RUFY1: variants seen among roughly 807,000 people sequenced by gnomAD.
The protein encoded by RUFY1 is RUN and FYVE domain containing 1, also known as RUN and FYVE domain-containing protein 1.
RUFY1 carries 54 observed loss-of-function variants against 94.6 expected under a neutral mutation model. The observed-to-expected ratio is 0.57, with a 90% CI of 0.46 to 0.72. The LOEUF (loss-of-function observed/expected upper bound fraction) is 0.72, where lower values mean the gene tolerates loss of function less well. Ranked by LOEUF, RUFY1 falls within the 30% of genes least tolerant of loss-of-function variation. RUFY1 has a pLI of 0.00. For missense variants in RUFY1, 883 were observed against 883.9 expected (o/e 1.00, Z 0.01); for synonymous variants, 396 against 347.3 (o/e 1.14, Z -1.56).
chr5:179,567,818 C>T (rs771090223), intron 4 of RUFY1, among the ~76,000 whole-genome samples: 3 of 151,934 alleles, frequency 2.0e-5, no homozygotes, highest in Non-Finnish European at 4.4e-5. Context: ...GCAGGAGAAT[C>T]GCTCGAACCC....
At chr5:179,556,110 C>G (rs1487095461) in intron 1 of RUFY1, among the ~76,000 whole-genome samples, 3 of 152,072 alleles carry the variant, frequency 2.0e-5, no homozygotes, top group Non-Finnish European at 4.4e-5. Flanking sequence ...AAAACTGTTA[C>G]ATTGTTTTTT....
chr5:179,565,011 AAATAATTTAT>A (rs1762733582), intron 3 of RUFY1, among the ~76,000 whole-genome samples: 1 of 152,058 alleles, frequency 6.6e-6, no homozygotes, highest in African/African-American at 2.4e-5. Context: ...AGAGAGAGAA[AAATAATTTAT>A]ATTTGGTACC....
chr5:179,573,107 C>G (rs769236093), intron 5 of RUFY1, among the ~76,000 whole-genome samples: 2 of 152,194 alleles, frequency 1.3e-5, no homozygotes, highest in African/African-American at 4.8e-5. Flanking sequence ...TGTTGTAAAT[C>G]TGAATCTGTG....
intron 15 of RUFY1, among the ~76,000 whole-genome samples, chr5:179,604,281 A>G (rs1766791518): frequency 6.6e-6 from 1 of 152,028 alleles, no homozygotes; most frequent in Admixed American, 6.6e-5. Flanking sequence ...CCTATACCGG[A>G]TGACAGAGAT....
At chr5:179,585,097 C>A (rs1581498252) in intron 7 of RUFY1, among the ~76,000 whole-genome samples, 1 of 152,188 alleles carries the variant, frequency 6.6e-6, no homozygotes, top group Admixed American at 6.5e-5. Flanking sequence ...CGCCACTGCA[C>A]TCCAGACTAG....
At position 179,601,911 on chromosome 5, in the gene RUFY1, A is replaced by G. The variant is rs761929886; in HGVS notation, c.1781A>G (p.Asp594Gly). The change falls in exon 15 of 18, where the codon GAC (aspartate) becomes GGC (glycine). Residue 594 changes from aspartate (D) to glycine (G), a missense_variant. Physicochemically the swap from Asp to Gly is moderately conservative, Grantham distance 94. Transcript: ENST00000319449. ...TTTTAGGAGTTGCGGGAGCTTCAGG[A>G]CGAGAAGGCAGAGCTGCAGAAGATC... ...GLKKELRELQDEKAELQKICE... is the reference protein window; with the variant it reads ...GLKKELRELQGEKAELQKICE... 8 of 1,611,706 alleles carry G rather than the reference A, an allele frequency of 5.0e-6. No homozygotes were observed. In the Admixed American group the frequency reaches 6.7e-5, roughly 13 times the overall value.
At chr5:179,596,436 C>CGT in intron 12 of RUFY1, 126 bp from the exon 13 acceptor site, 1 of 1,192,826 alleles carries the variant, frequency 8.4e-7, no homozygotes, top group Non-Finnish European at 1.2e-6. Context: ...TGAATCTCCA[C>CGT]GTGTTAAAAC....
Position 179,607,668 on chromosome 5 carries a change from G to A in RUFY1, c.1983+9G>A, listed in dbSNP as rs1347651118. 1 of 1,611,804 alleles carries A rather than the reference G, an allele frequency of 6.2e-7. No homozygotes were observed. The highest frequency in any genetic ancestry group is 1.7e-4 in the Middle Eastern group (1 of 5,848). ...CCATTTCCCGGAGAAAGGTACGTGG[G>A]GGCTCCACCCACCCTCCCAGTGCCC... On this transcript the variant is annotated intron_variant, in intron 17 of 17. Coordinates refer to ENST00000319449, the MANE Select transcript of RUFY1 (RefSeq NM_025158.5).
At chr5:179,595,026 C>A in intron 12 of RUFY1, 63 bp downstream of exon 12, 1 of 1,205,364 alleles carries the variant, frequency 8.3e-7, no homozygotes, top group Non-Finnish European at 1.2e-6. Context: ...GGCCTGGAGA[C>A]TTATTCAGAG....
intron 9 of RUFY1, 78 bp from the exon 10 acceptor site, chr5:179,591,547 G>A (rs1190306254): frequency 2.3e-6 from 2 of 859,992 alleles, no homozygotes; most frequent in Non-Finnish European, 1.9e-6. Context: ...TTAAAATTGT[G>A]GTATATTTTG....
At chr5:179,569,524 C>A in intron 5 of RUFY1, 99 bp downstream of exon 5, 1 of 1,229,394 alleles carries the variant, frequency 8.1e-7, no homozygotes, top group Non-Finnish European at 1.2e-6. Context: ...GGGCAAATGG[C>A]AAAGAGCCCA....
At chr5:179,580,241 GTA>G (rs1554118908) in intron 6 of RUFY1, among the ~76,000 whole-genome samples, 8 of 93,850 alleles carry the variant, frequency 8.5e-5, no homozygotes, top group African/African-American at 2.5e-4. Context: ...GTGTGTGTGT[GTA>G]TATTTTTTTT....
rs1765441128 is a variant in RUFY1, at chr5:179,594,744, GAGCA to G, written c.1414-119_1414-116del. On this transcript the variant is annotated intron_variant, in intron 11 of 17. Transcript: ENST00000319449. ...CCACTGCACTCTAGCCTGGGTGACAGAGCAAGACTCTGTCTCAAAAAAAAAAAAA... is the reference window on the plus strand; with the variant it reads ...CCACTGCACTCTAGCCTGGGTGACAGAGACTCTGTCTCAAAAAAAAAAAAA... 3 of 532,328 alleles carry G rather than the reference GAGCA, an allele frequency of 5.6e-6. No individual in the cohort carries two copies. In the Admixed American group the frequency reaches 1.2e-4, roughly 21 times the overall value. The allele number at this position is 532,328 out of a possible 1,614,324, so 33.0% of individuals were successfully genotyped here.
intron 7 of RUFY1, among the ~76,000 whole-genome samples, chr5:179,582,397 T>C (rs1764233257): frequency 6.6e-6 from 1 of 152,090 alleles, no homozygotes; most frequent in South Asian, 2.1e-4. Context: ...GGCTAATTTT[T>C]TGTATTTTTT....
At chr5:179,585,289 A>G (rs946294794) in intron 7 of RUFY1, among the ~76,000 whole-genome samples, 8 of 151,610 alleles carry the variant, frequency 5.3e-5, no homozygotes, top group Non-Finnish European at 8.8e-5. Flanking sequence ...ACTAAAAAAG[A>G]AATAGGCCGG....
intron 10 of RUFY1, 21 bp from the exon 11 acceptor site, chr5:179,593,457 C>A: frequency 6.3e-7 from 1 of 1,579,332 alleles, no homozygotes; most frequent in Non-Finnish European, 8.7e-7. Flanking sequence ...ATAACATTTT[C>A]CTTGTAAATA....
At chr5:179,606,199 GA>G in intron 16 of RUFY1, 1 of 519,166 alleles carries the variant, frequency 1.9e-6, no homozygotes, top group Non-Finnish European at 3.4e-6. Context: ...CCCTAAGGGG[GA>G]AGCAGGTGGC....
At chr5:179,573,430 T>C (rs1763369236) in intron 5 of RUFY1, among the ~76,000 whole-genome samples, 1 of 152,152 alleles carries the variant, frequency 6.6e-6, no homozygotes, top group South Asian at 2.1e-4. Flanking sequence ...AAAGTATACA[T>C]GTTTGCTGCT....
At chr5:179,559,838 A>C in intron 1 of RUFY1, 187 bp from the exon 2 acceptor site, 1 of 1,361,236 alleles carries the variant, frequency 7.3e-7, no homozygotes, top group African/African-American at 1.5e-5. Context: ...CCGTCCAGGT[A>C]GGGGGCTGTG....
Sources: allele counts gnomAD v4.1 joint callset (sites outside exome capture counted in the v4.1 genomes callset), GRCh38; gene constraint gnomAD v4.1.1; transcripts MANE v1.5; gene names NCBI Gene and HGNC (gene_info 2026-07-23, HGNC 2026-07-21).